Variants in AGBL4 observed in about 807,000 individuals in gnomAD.
AGBL4 encodes the protein AGBL carboxypeptidase 4, also known as cytosolic carboxypeptidase 6.
AGBL4 carries 58 observed loss-of-function variants against 66.4 expected under a neutral mutation model. The observed-to-expected ratio is 0.87, with a 90% CI of 0.71 to 1.09. The LOEUF is 1.09. Among genes scored for constraint, AGBL4 ranks in the 50% least tolerant of loss-of-function variants. The probability of loss-of-function intolerance (pLI) is 0.00; values close to 1 mark genes in which losing one functional copy is unlikely to be tolerated. For missense variants in AGBL4, 579 were observed against 631.0 expected (o/e 0.92, Z 0.88); for synonymous variants, 234 against 222.9 (o/e 1.05, Z -0.44).
At chr1:49,936,888 C>G (rs1010010491) in intron 1 of AGBL4, among the ~76,000 whole-genome samples, 2 of 152,112 alleles carry the variant, frequency 1.3e-5, no homozygotes, top group Admixed American at 6.5e-5. Context: ...CAAAATCATG[C>G]CGAATTATAC....
At chr1:49,292,241 A>C (rs1644548454) in intron 3 of AGBL4, among the ~76,000 whole-genome samples, 1 of 152,200 alleles carries the variant, frequency 6.6e-6, no homozygotes, top group South Asian at 2.1e-4. Flanking sequence ...GAAGGAAGCC[A>C]TGGCAGGGCT....
chr1:49,567,037 G>C (rs1644224513), intron 3 of AGBL4, among the ~76,000 whole-genome samples: 1 of 152,190 alleles, frequency 6.6e-6, no homozygotes, highest in Admixed American at 6.5e-5. Context: ...CCACCTTGCA[G>C]TTTGATCTCA....
chr1:48,658,742 G>C (rs774477376), intron 7 of AGBL4, among the ~76,000 whole-genome samples: 1 of 152,132 alleles, frequency 6.6e-6, no homozygotes, highest in African/African-American at 2.4e-5. Flanking sequence ...AAAGCAGAAT[G>C]GGGGAGGAGC....
At chr1:48,817,411 T>C (rs1646207029) in intron 6 of AGBL4, 1 of 152,200 alleles carries the variant, frequency 6.6e-6, no homozygotes, top group African/African-American at 2.4e-5. Context: ...AAGTGTGAAC[T>C]TGGGAAAAAG....
intron 6 of AGBL4, among the ~76,000 whole-genome samples, chr1:48,792,076 T>A (rs1645565370): frequency 6.6e-6 from 1 of 152,200 alleles, no homozygotes; most frequent in Non-Finnish European, 1.5e-5. Context: ...ATAATCAAGT[T>A]AACATGAGGT....
At chr1:49,277,627 G>GT (rs1216524099) in intron 3 of AGBL4, among the ~76,000 whole-genome samples, 1 of 150,652 alleles carries the variant, frequency 6.6e-6, no homozygotes, top group Non-Finnish European at 1.5e-5. Context: ...CTCTTCTTAG[G>GT]TTTTTTTCAG....
Position 49,045,702 on chromosome 1 carries a change from T to C in AGBL4, c.476A>G (p.Asp159Gly). Reference protein sequence around the residue: ...SFAFCFDREEDIYQFAYCYPY... With the variant: ...SFAFCFDREEGIYQFAYCYPY... ...GTAGCAGTAAGCAAACTGGTAAATA[T>C]CTTCTTCTCGGTCAAAACAAAAGGC... The change falls in exon 5 of 14, where the codon GAT becomes GGT. Residue 159 changes from aspartate to glycine, a missense_variant. Physicochemically the swap from Asp to Gly is moderately conservative, Grantham distance 94 (BLOSUM62 -1). Coordinates refer to ENST00000371839, the MANE Select transcript of AGBL4 (RefSeq NM_032785.4). 1 of 1,556,796 alleles carries C rather than the reference T, an allele frequency of 6.4e-7. No individual in the cohort carries two copies. The highest frequency in any genetic ancestry group is 8.7e-7 in the Non-Finnish European group (1 of 1,149,310).
intron 2 of AGBL4, among the ~76,000 whole-genome samples, chr1:49,734,935 C>T (rs1409321191): frequency 1.3e-5 from 2 of 151,984 alleles, no homozygotes; most frequent in Non-Finnish European, 2.9e-5. Context: ...ATCAATAGAA[C>T]ATATCTGAGA....
intron 3 of AGBL4, among the ~76,000 whole-genome samples, chr1:49,380,995 G>T (rs1364305954): frequency 6.6e-6 from 1 of 152,148 alleles, no homozygotes. Context: ...ATCGACAAAT[G>T]GGATCTAATT....
At chr1:48,737,742 A>C (rs1233711552) in intron 6 of AGBL4, among the ~76,000 whole-genome samples, 7 of 152,228 alleles carry the variant, frequency 4.6e-5, no homozygotes, top group Non-Finnish European at 8.8e-5. Flanking sequence ...AAAAGAAAAA[A>C]GAGTATAAAA....
At chr1:49,620,863 C>CTT (rs34261884) in intron 3 of AGBL4, among the ~76,000 whole-genome samples, 13 of 147,776 alleles carry the variant, frequency 8.8e-5, no homozygotes, top group South Asian at 4.3e-4. Flanking sequence ...CCAAATCAAC[C>CTT]TTTTTTTTTT....
chr1:48,919,040 C>G lies in AGBL4; in HGVS notation c.595-51810G>C, dbSNP rs1203101316. ...CCATAATAGAAGGAAGCCAGGTAGGCCACTGGACTCACTCCAAGTCTGGAG... is the reference window on the plus strand; with the variant it reads ...CCATAATAGAAGGAAGCCAGGTAGGGCACTGGACTCACTCCAAGTCTGGAG... On this transcript the variant is annotated intron_variant, in intron 5 of 13. Coordinates refer to ENST00000371839, the MANE Select transcript of AGBL4 (RefSeq NM_032785.4). Among the ~76,000 whole-genome samples the G allele has an allele frequency of 2.0e-5, 3 of 152,290 alleles. No individual in the cohort carries two copies. The East Asian group carries it at 5.8e-4, about 29-fold the overall frequency.
At chr1:49,882,395 T>C (rs950741186) in intron 1 of AGBL4, among the ~76,000 whole-genome samples, 2 of 151,192 alleles carry the variant, frequency 1.3e-5, no homozygotes, top group East Asian at 1.9e-4. Flanking sequence ...CCATATGAAC[T>C]TTAAAGTAGT....
At chr1:49,302,815 T>TC (rs1644778989) in intron 3 of AGBL4, among the ~76,000 whole-genome samples, 1 of 151,786 alleles carries the variant, frequency 6.6e-6, no homozygotes, top group Non-Finnish European at 1.5e-5. Context: ...ATGTTCTCCC[T>TC]CCCCCTGCCC....
At chr1:49,791,707 C>A (rs2147929358) in intron 2 of AGBL4, among the ~76,000 whole-genome samples, 2 of 152,220 alleles carry the variant, frequency 1.3e-5, no homozygotes, top group South Asian at 4.1e-4. Flanking sequence ...TCCCTACTAT[C>A]TTTTAGGTCT....
chr1:48,889,346 T>A (rs976170285), intron 5 of AGBL4, among the ~76,000 whole-genome samples: 3 of 152,034 alleles, frequency 2.0e-5, no homozygotes, highest in Non-Finnish European at 4.4e-5. Context: ...GCTTCACAAC[T>A]TATAATTATT....
At chr1:48,524,706 CTT>C in the AGBL4 span, among the ~76,000 whole-genome samples, 1 of 152,186 alleles carries the variant, frequency 6.6e-6, no homozygotes, top group Non-Finnish European at 1.5e-5. Flanking sequence ...ACTGAACAAA[CTT>C]ATGCATTTTC....
intron 3 of AGBL4, among the ~76,000 whole-genome samples, chr1:49,514,960 TCAGGACA>T (rs1306894014): frequency 1.3e-5 from 2 of 151,938 alleles, no homozygotes. Context: ...GCAATACCAT[TCAGGACA>T]CAGGCATGGG....
rs373987183 is a variant in AGBL4 at position 49,918,976 on chromosome 1, C to G, written c.35-67458G>C. 3.3e-4 allele frequency among the ~76,000 whole-genome samples: 50 copies of G among 152,248 alleles called. 1 individual carries two copies. The South Asian group carries it at 9.5e-3, about 29-fold the overall frequency. On this transcript the variant is annotated intron_variant, in intron 1 of 13. Transcript: ENST00000371839. ...TCCAGCATATAAACAGAACCAAAGA[C>G]AAAAACCACATGATTATCTCAATAG...
Sources: allele counts gnomAD v4.1 joint callset (sites outside exome capture counted in the v4.1 genomes callset), GRCh38; gene constraint gnomAD v4.1.1; transcripts MANE v1.5; gene names NCBI Gene and HGNC (gene_info 2026-07-23, HGNC 2026-07-21).